The following ADGRB3 variants were observed in gnomAD, a reference collection of about 807,000 sequenced individuals.
ADGRB3 encodes the protein adhesion G protein-coupled receptor B3, also known as brain-specific angiogenesis inhibitor 3.
ADGRB3 carries 37 observed loss-of-function variants against 193.4 expected under a neutral mutation model. That is an observed-to-expected ratio of 0.19 (90% confidence interval 0.15 to 0.25). The LOEUF is 0.25. Among genes scored for constraint, ADGRB3 ranks in the 10% least tolerant of loss-of-function variants. The pLI is 1.00. For synonymous variants in ADGRB3, 690 were observed against 644.2 expected (o/e 1.07, Z -1.08); for missense variants, 1,637 against 1,852.9 (o/e 0.88, Z 2.14).
chr6:69,217,041 A>T (rs1765784663), intron 17 of ADGRB3, among the ~76,000 whole-genome samples: 1 of 152,190 alleles, frequency 6.6e-6, no homozygotes, highest in Admixed American at 6.5e-5. Context: ...TTATTCTTGA[A>T]GCAATAGGGG....
At chr6:69,307,624 C>CAAATA (rs1768094708) in intron 20 of ADGRB3, among the ~76,000 whole-genome samples, 1 of 151,490 alleles carries the variant, frequency 6.6e-6, no homozygotes. Flanking sequence ...TCAAATATCT[C>CAAATA]TTCTTCTTTT....
At position 68,956,776 on chromosome 6, in the gene ADGRB3, G is replaced by A; in HGVS notation, c.1492G>A (p.Glu498Lys). Residue 498 changes from glutamate (E) to lysine (K), a missense_variant, in exon 8 of 32, where the codon GAA becomes AAA. Physicochemically the swap from Glu to Lys is moderately conservative, Grantham distance 56. Transcript: ENST00000370598. The part of the protein sequence containing the change: ...TGQQCEGTGE[E>K]VRRCNEQRCP... ...GCAGCAATGTGAAGGAACGGGCGAA[G>A]AAGTGAGAAGATGCAATGAGCAGCG... 6.2e-7 allele frequency: 1 copy of A among 1,613,890 alleles called. No homozygotes were observed. Among genetic ancestry groups the A allele is most frequent in the Non-Finnish European group, 8.5e-7 (1 of 1,179,896 alleles).
chr6:69,019,615 T>C (rs1770202014), intron 13 of ADGRB3, among the ~76,000 whole-genome samples: 1 of 151,998 alleles, frequency 6.6e-6, no homozygotes, highest in African/African-American at 2.4e-5. Context: ...GGAAAGTCTA[T>C]GTAATGGATA....
intron 26 of ADGRB3, among the ~76,000 whole-genome samples, chr6:69,343,206 T>C (rs1440129311): frequency 6.6e-6 from 1 of 151,792 alleles, no homozygotes; most frequent in Non-Finnish European, 1.5e-5. Context: ...TATTATACTT[T>C]AAGTTTTAGG....
intron 20 of ADGRB3, among the ~76,000 whole-genome samples, chr6:69,263,908 A>G (rs1766979632): frequency 6.6e-6 from 1 of 152,020 alleles, no homozygotes; most frequent in Non-Finnish European, 1.5e-5. Context: ...TCCTCCAGTT[A>G]TTTAACCCTC....
chr6:69,355,270 T>C (rs1052176510), intron 27 of ADGRB3, among the ~76,000 whole-genome samples: 1 of 152,184 alleles, frequency 6.6e-6, no homozygotes, highest in African/African-American at 2.4e-5. Flanking sequence ...CTCGACCAGA[T>C]GAGTATGGTT....
intron 20 of ADGRB3, among the ~76,000 whole-genome samples, chr6:69,274,595 TTCCCTCCC>T (rs36136728): frequency 0.083 from 7,671 of 92,440 alleles, 1,116 homozygotes; most frequent in African/African-American, 0.31. Flanking sequence ...TTCCTCCCTT[TTCCCTCCC>T]TCCCTCCCTC....
At chr6:68,906,118 T>C (rs1582303212) in intron 3 of ADGRB3, among the ~76,000 whole-genome samples, 1 of 151,966 alleles carries the variant, frequency 6.6e-6, no homozygotes, top group East Asian at 1.9e-4. Flanking sequence ...TCTTTATAAA[T>C]GTAGCAGGAG....
At chr6:69,230,831 T>G (rs1766118933) in intron 17 of ADGRB3, among the ~76,000 whole-genome samples, 1 of 152,260 alleles carries the variant, frequency 6.6e-6, no homozygotes, top group South Asian at 2.1e-4. Context: ...GATGCAGTAT[T>G]GTGTTTTATA....
intron 10 of ADGRB3, among the ~76,000 whole-genome samples, chr6:68,992,479 A>T (rs1769265323): frequency 6.6e-6 from 1 of 152,160 alleles, no homozygotes; most frequent in South Asian, 2.1e-4. Flanking sequence ...CCAGACAATT[A>T]GCACTGACAC....
At position 69,195,238 on chromosome 6, in the gene ADGRB3, A is replaced by G. The variant is rs74295518; in HGVS notation, c.2481-38052A>G. Among the ~76,000 whole-genome samples the G allele has an allele frequency of 1.7e-3, 261 of 152,216 alleles. 2 individuals carry two copies. In the East Asian group the frequency reaches 0.031, roughly 18 times the overall value. On this transcript the variant is annotated intron_variant, in intron 17 of 31. Coordinates refer to ENST00000370598, the MANE Select transcript of ADGRB3 (RefSeq NM_001704.3). ...CAGATACTACTCTTAGAAGTTTAAG[A>G]CACTGCATGATCTGGGCTCAGGGGC... is the stretch of plus-strand genomic sequence containing the variant.
chr6:68,727,712 C>T (rs1480961956), intron 3 of ADGRB3, among the ~76,000 whole-genome samples: 2 of 151,434 alleles, frequency 1.3e-5, no homozygotes, highest in Admixed American at 6.6e-5. Context: ...ATTTATCCTC[C>T]ATGTGAAATT....
intron 17 of ADGRB3, among the ~76,000 whole-genome samples, chr6:69,191,498 A>G (rs574995081): frequency 6.6e-6 from 1 of 152,280 alleles, no homozygotes; most frequent in South Asian, 2.1e-4. Context: ...TTACTTTTAC[A>G]TGATTCACAA....
rs1359144387 is a variant in ADGRB3, at chr6:69,201,048, T to G, written c.2481-32242T>G. Among the ~76,000 whole-genome samples the G allele has an allele frequency of 2.6e-5, 4 of 152,158 alleles. 1 individual carries two copies. The South Asian group carries it at 8.3e-4, about 31-fold the overall frequency. ...TAGCTTTAACATAGAAATCACATTC[T>G]CATTGTATCTTTCCACCTGAGAACT... On this transcript the variant is annotated intron_variant, in intron 17 of 31. Transcript: ENST00000370598.
chr6:68,909,423 C>A (rs1217725589), intron 3 of ADGRB3, among the ~76,000 whole-genome samples: 1 of 152,146 alleles, frequency 6.6e-6, no homozygotes, highest in South Asian at 2.1e-4. Context: ...TAACTAGACA[C>A]TATTACTTTA....
chr6:69,178,008 A>G (rs1205385520), intron 17 of ADGRB3, among the ~76,000 whole-genome samples: 1 of 152,126 alleles, frequency 6.6e-6, no homozygotes, highest in African/African-American at 2.4e-5. Flanking sequence ...TTTCCTTCTC[A>G]AGGATCTGTC....
At chr6:68,952,057 T>C (rs1262992228) in intron 6 of ADGRB3, among the ~76,000 whole-genome samples, 1 of 152,194 alleles carries the variant, frequency 6.6e-6, no homozygotes, top group Non-Finnish European at 1.5e-5. Flanking sequence ...TTTCTCTACA[T>C]TTATCCCTAA....
chr6:69,226,262 A>G (rs918203857), intron 17 of ADGRB3, among the ~76,000 whole-genome samples: 1 of 152,248 alleles, frequency 6.6e-6, no homozygotes, highest in African/African-American at 2.4e-5. Flanking sequence ...ACAATAACCT[A>G]GCACAGCACC....
chr6:69,296,572 G>A (rs746811367), intron 20 of ADGRB3, among the ~76,000 whole-genome samples: 2 of 152,088 alleles, frequency 1.3e-5, no homozygotes, highest in African/African-American at 4.8e-5. Flanking sequence ...CAAAGAAAAC[G>A]CATTATCTGA....
Sources: gnomAD v4.1 joint callset for allele counts (sites outside exome capture counted in the v4.1 genomes callset) on GRCh38, gnomAD v4.1.1 for gene constraint, MANE v1.5 for transcripts, NCBI Gene and HGNC (gene_info 2026-07-23, HGNC 2026-07-21) for gene names.